Variants in SLC15A1 observed in about 807,000 individuals in gnomAD.
SLC15A1 encodes the protein Caco-2 oligopeptide transporter.
A neutral mutation model predicts 92.9 loss-of-function variants in SLC15A1; 83 were observed. That is an observed-to-expected ratio of 0.89 (90% confidence interval 0.75 to 1.07). SLC15A1 has a LOEUF of 1.07. Among genes scored for constraint, SLC15A1 ranks in the 50% least tolerant of loss-of-function variants. The pLI is 0.00. For missense variants in SLC15A1, 857 were observed against 880.1 expected (o/e 0.97, Z 0.33); for synonymous variants, 322 against 318.2 (o/e 1.01, Z -0.13).
intron 1 of SLC15A1, among the ~76,000 whole-genome samples, chr13:98,732,219 GTAGCC>G (rs2088356758): frequency 6.6e-6 from 1 of 152,176 alleles, no homozygotes; most frequent in African/African-American, 2.4e-5. Context: ...GCATATTTGA[GTAGCC>G]TAATGTTTCT....
rs188427366 is a variant in SLC15A1, at chr13:98,685,571, G to A, written c.1935+619C>T. 5.9e-5 allele frequency among the ~76,000 whole-genome samples: 9 copies of A among 152,354 alleles called. No homozygotes were observed. The East Asian group carries it at 1.7e-3, about 29-fold the overall frequency. Reference sequence around the variant, plus strand: ...CATGTGTCTGCTTTGCAGCTGCTAAGCTGCATTCACTGAAGCTAGGAGAGA... The same window carrying A: ...CATGTGTCTGCTTTGCAGCTGCTAAACTGCATTCACTGAAGCTAGGAGAGA... On this transcript the variant is annotated intron_variant, in intron 22 of 22. Transcript: ENST00000376503.
chr13:98,724,180 C>T (rs1221637442), intron 4 of SLC15A1, 149 bp from the exon 5 acceptor site: 1 of 1,051,016 alleles, frequency 9.5e-7, no homozygotes, highest in African/African-American at 1.6e-5. Context: ...ACTGTTAACT[C>T]TCAGGAACTC....
chr13:98,688,519 T>G lies in SLC15A1; in HGVS notation c.1525A>C (p.Asn509His), dbSNP rs992291983. The G allele has an allele frequency of 2.5e-6, 4 of 1,614,124 alleles. No individual in the cohort carries two copies. In the Admixed American group the frequency reaches 6.7e-5, roughly 27 times the overall value. Residue 509 changes from asparagine to histidine, a missense_variant, in exon 19 of 23, where the codon AAC becomes CAC. Asn to His is a moderately conservative substitution (Grantham distance 68, BLOSUM62 1). Coordinates refer to ENST00000376503, the MANE Select transcript of SLC15A1 (RefSeq NM_005073.4). ...GTGCTGGCATTGTAGCTGCTGATGT[T>G]TGCATAAACTTTCCCACTCATTGTG... ...TITMSGKVYA[N>H]ISSYNASTYQ...
chr13:98,745,356 G>T (rs528224877), intron 1 of SLC15A1, among the ~76,000 whole-genome samples: 1 of 152,200 alleles, frequency 6.6e-6, no homozygotes, highest in African/African-American at 2.4e-5. Context: ...AGTTCAGAGA[G>T]AATACTTTCT....
intron 16 of SLC15A1, 99 bp from the exon 17 acceptor site, chr13:98,704,534 G>C: frequency 7.8e-7 from 1 of 1,277,446 alleles, no homozygotes. Flanking sequence ...TGCATTTCCA[G>C]GTTCATGTTC....
chr13:98,724,000 T>A lies in SLC15A1; in HGVS notation c.277A>T (p.Ile93Phe). 1 of 1,614,150 alleles carries A rather than the reference T, an allele frequency of 6.2e-7. No homozygotes were observed. The highest frequency in any genetic ancestry group is 1.3e-5 in the African/African-American group (1 of 75,036). ...TIVSLSIVYT[I>F]GQAVTSVSSI... ...CTTACTGAGGTGACTGCTTGTCCAA[T>A]TGTGTAGACAATGGAGAGCGACACA... Residue 93 changes from isoleucine (I) to phenylalanine (F), a missense_variant, in exon 5 of 23, where the codon ATT becomes TTT. Transcript: ENST00000376503.
At chr13:98,723,086 T>G (rs2088272850) in intron 5 of SLC15A1, among the ~76,000 whole-genome samples, 1 of 152,184 alleles carries the variant, frequency 6.6e-6, no homozygotes, top group Non-Finnish European at 1.5e-5. Flanking sequence ...GTCCATGTTC[T>G]TAACTGATAT....
At chr13:98,733,817 T>C (rs2088368665) in intron 1 of SLC15A1, among the ~76,000 whole-genome samples, 1 of 152,234 alleles carries the variant, frequency 6.6e-6, no homozygotes, top group African/African-American at 2.4e-5. Flanking sequence ...TTTGCATGTA[T>C]GTCCCCACCA....
intron 11 of SLC15A1, among the ~76,000 whole-genome samples, chr13:98,711,005 A>G (rs1197448162): frequency 6.6e-6 from 1 of 151,920 alleles, no homozygotes; most frequent in Non-Finnish European, 1.5e-5. Flanking sequence ...GTGTGTTTCC[A>G]GTGACCGGCT....
Position 98,751,876 on chromosome 13 carries a change from C to T in SLC15A1, c.4+719G>A, listed in dbSNP as rs144946305. 5.9e-5 allele frequency among the ~76,000 whole-genome samples: 9 copies of T among 152,378 alleles called. No individual in the cohort carries two copies. In the East Asian group the frequency reaches 1.7e-3, roughly 29 times the overall value. ...GCACAACTTTGGGAAGCTGACTGGG[C>T]TTCCTCATCTTTAAGAAAGCAGCGG... On this transcript the variant is annotated intron_variant, in intron 1 of 22. Coordinates refer to ENST00000376503, the MANE Select transcript of SLC15A1 (RefSeq NM_005073.4).
In SLC15A1 at chr13:98,741,976, G is replaced by A. The variant is rs756928575; in HGVS notation, c.4+10619C>T. ...GGGAAACTGGTGCTGAAGGGAGACT[G>A]TGGGTTTATCAAGTGACTGGGTGTG... is the stretch of plus-strand genomic sequence containing the variant. On this transcript the variant is annotated intron_variant, in intron 1 of 22. Transcript: ENST00000376503. Among the ~76,000 whole-genome samples the A allele has an allele frequency of 3.7e-4, 57 of 152,340 alleles. No homozygotes were observed. In the Middle Eastern group the frequency reaches 0.014, roughly 36 times the overall value.
At chr13:98,718,678 C>T (rs1192055087) in intron 8 of SLC15A1, among the ~76,000 whole-genome samples, 2 of 151,998 alleles carry the variant, frequency 1.3e-5, no homozygotes, top group African/African-American at 2.4e-5. Context: ...ATGTGGTGGC[C>T]GGTGCCTGTA....
chr13:98,724,465 C>T (rs1321967437), intron 4 of SLC15A1, among the ~76,000 whole-genome samples: 1 of 152,168 alleles, frequency 6.6e-6, no homozygotes, highest in Non-Finnish European at 1.5e-5. Context: ...GATTGCACTA[C>T]TGCACTCCAG....
chr13:98,704,260 G>C (rs2088093155), intron 17 of SLC15A1, 29 bp downstream of exon 17: 2 of 1,539,740 alleles, frequency 1.3e-6, no homozygotes, highest in Non-Finnish European at 1.7e-6. Flanking sequence ...AAATAGCAAA[G>C]AGTCAGCTGT....
intron 7 of SLC15A1, among the ~76,000 whole-genome samples, 199 bp from the exon 8 acceptor site, chr13:98,719,519 A>T (rs2088237494): frequency 6.6e-6 from 1 of 152,218 alleles, no homozygotes; most frequent in Non-Finnish European, 1.5e-5. Context: ...AACCAGTTCT[A>T]ATCTCAGCCC....
chr13:98,709,355 A>C (rs964926113), intron 14 of SLC15A1, among the ~76,000 whole-genome samples: 1 of 152,270 alleles, frequency 6.6e-6, no homozygotes, highest in African/African-American at 2.4e-5. Flanking sequence ...GTAGAGAAGA[A>C]AGCCTTGATT....
At position 98,687,618 on chromosome 13, in the gene SLC15A1, A is replaced by G; in HGVS notation, c.1790T>C (p.Val597Ala). The change falls in exon 21 of 23, where the codon GTC becomes GCC. Residue 597 changes from valine (V) to alanine (A), a missense_variant. Val to Ala is a moderately conservative substitution (Grantham distance 64). Coordinates refer to ENST00000376503, the MANE Select transcript of SLC15A1 (RefSeq NM_005073.4). ...GAATTCCAATCCCGTGACAGAGAAG[A>G]CCACTTCGCCACAGGTGAGAAGAAA... ...QYFLLTCGEV[V>A]FSVTGLEFSY... 2 of 1,614,192 alleles carry G rather than the reference A, an allele frequency of 1.2e-6. No homozygotes were observed. The highest frequency in any genetic ancestry group is 1.7e-6 in the Non-Finnish European group (2 of 1,180,020).
In SLC15A1 at chr13:98,710,073, T is replaced by C. The variant is rs1593991015; in HGVS notation, c.901-162A>G. On this transcript the variant is annotated intron_variant, in intron 11 of 22. Transcript: ENST00000376503. ...TAATCTCCCAGCTCTATTATAATAC[T>C]AGGTCAAAAGAAACCAGTTGCATTT... Among the ~76,000 whole-genome samples, 7 of 152,350 alleles carry C rather than the reference T, an allele frequency of 4.6e-5. No individual in the cohort carries two copies. In the East Asian group the frequency reaches 1.3e-3, roughly 29 times the overall value.
In SLC15A1 at chr13:98,733,148, CT is replaced by C. The variant is rs58284802; in HGVS notation, c.5-6290del. Reference sequence around the variant, plus strand: ...GACAAGTAGGGTTCTCCCCGAGAGCCTTTCAAGGTAGCACTGCCGACACCTT... The same window carrying C: ...GACAAGTAGGGTTCTCCCCGAGAGCCTTCAAGGTAGCACTGCCGACACCTT... On this transcript the variant is annotated intron_variant, in intron 1 of 22. Transcript: ENST00000376503. Among the ~76,000 whole-genome samples the C allele has an allele frequency of 1.1e-4, 17 of 152,260 alleles. No individual in the cohort carries two copies. In the East Asian group the frequency reaches 3.3e-3, roughly 29 times the overall value.
Sources: allele counts gnomAD v4.1 joint callset (sites outside exome capture counted in the v4.1 genomes callset), GRCh38; gene constraint gnomAD v4.1.1; transcripts MANE v1.5; gene names NCBI Gene and HGNC (gene_info 2026-07-23, HGNC 2026-07-21).